Variants in FOXO1 observed in about 807,000 individuals in gnomAD.
FOXO1 encodes the protein forkhead box protein O1.
FOXO1 carries 6 observed loss-of-function variants against 44.1 expected under a neutral mutation model. The ratio of observed to expected loss-of-function variants is 0.14; its 90% confidence interval spans 0.07 to 0.27. The LOEUF is 0.27. Ranked by LOEUF, FOXO1 falls within the 10% of genes least tolerant of loss-of-function variation. FOXO1 has a pLI of 1.00. For missense variants in FOXO1, 737 were observed against 888.8 expected (o/e 0.83, Z 2.17); for synonymous variants, 380 against 362.7 (o/e 1.05, Z -0.54).
intron 1 of FOXO1, among the ~76,000 whole-genome samples, chr13:40,564,740 A>G (rs531478196): frequency 6.6e-6 from 1 of 152,356 alleles, no homozygotes; most frequent in East Asian, 1.9e-4. Flanking sequence ...ATGCCCTGTC[A>G]ATCACTTGCC....
At chr13:40,643,336 C>T (rs1385063576) in intron 1 of FOXO1, among the ~76,000 whole-genome samples, 4 of 142,878 alleles carry the variant, frequency 2.8e-5, no homozygotes, top group African/African-American at 5.2e-5. Flanking sequence ...AGTGAGACTC[C>T]GTCTCAAAAA....
chr13:40,593,521 G>A (rs902496531), intron 1 of FOXO1, among the ~76,000 whole-genome samples: 3 of 152,126 alleles, frequency 2.0e-5, no homozygotes, highest in African/African-American at 4.8e-5. Context: ...TCTTACCACT[G>A]TAGACTGTGC....
chr13:40,621,229 G>T, intron 1 of FOXO1: 1 of 725,918 alleles, frequency 1.4e-6, no homozygotes, highest in Non-Finnish European at 2.3e-6. Context: ...AACAAGCTCA[G>T]GCAATTACCT....
At chr13:40,655,265 G>A (rs750691889) in intron 1 of FOXO1, among the ~76,000 whole-genome samples, 9 of 150,756 alleles carry the variant, frequency 6.0e-5, no homozygotes, top group Non-Finnish European at 1.0e-4. Context: ...CAGGAGAATC[G>A]CTTGAACCTG....
chr13:40,633,808 T>C (rs946529437), intron 1 of FOXO1, among the ~76,000 whole-genome samples: 1 of 152,204 alleles, frequency 6.6e-6, no homozygotes, highest in African/African-American at 2.4e-5. Context: ...TTTATCCATT[T>C]CATACTAAAA....
intron 1 of FOXO1, among the ~76,000 whole-genome samples, chr13:40,605,465 A>G (rs1407033830): frequency 1.3e-5 from 2 of 152,186 alleles, no homozygotes; most frequent in Non-Finnish European, 2.9e-5. Flanking sequence ...CTACTCTCAA[A>G]AAGAAATGAT....
chr13:40,614,946 G>A (rs949188513), intron 1 of FOXO1, among the ~76,000 whole-genome samples: 14 of 152,216 alleles, frequency 9.2e-5, no homozygotes, highest in African/African-American at 3.1e-4. Flanking sequence ...AATGTACACA[G>A]TAAGAGGAAG....
In FOXO1 at chr13:40,626,851, G is replaced by A. The variant is rs78495084; in HGVS notation, c.630+38732C>T. Among the ~76,000 whole-genome samples the A allele has an allele frequency of 1.1e-3, 163 of 152,298 alleles. 4 individuals carry two copies. In the East Asian group the frequency reaches 0.019, roughly 18 times the overall value. On this transcript the variant is annotated intron_variant, in intron 1 of 2. Transcript: ENST00000379561. Reference sequence around the variant, plus strand: ...AAGCTATGAACAAGTACCCAAGGGTGACTTTATTGGCAACTGCCCTACATG... The same window carrying A: ...AAGCTATGAACAAGTACCCAAGGGTAACTTTATTGGCAACTGCCCTACATG...
At chr13:40,572,133 A>T (rs1874545511) in intron 1 of FOXO1, among the ~76,000 whole-genome samples, 1 of 152,212 alleles carries the variant, frequency 6.6e-6, no homozygotes, top group Admixed American at 6.5e-5. Context: ...AACTTTATGG[A>T]TATAAATTCA....
chr13:40,618,787 C>A, intron 1 of FOXO1: 1 of 516,870 alleles, frequency 1.9e-6, no homozygotes. Context: ...GAAACCTTAT[C>A]TCAAGACCGT....
At chr13:40,569,056 A>G (rs1362358761) in intron 1 of FOXO1, among the ~76,000 whole-genome samples, 1 of 152,252 alleles carries the variant, frequency 6.6e-6, no homozygotes, top group Non-Finnish European at 1.5e-5. Flanking sequence ...TCAAACCGCT[A>G]TAGACACAAA....
At chr13:40,635,342 T>A (rs1877110915) in intron 1 of FOXO1, among the ~76,000 whole-genome samples, 1 of 152,116 alleles carries the variant, frequency 6.6e-6, no homozygotes. Context: ...CATCACAGAA[T>A]CATTACAAGC....
intron 1 of FOXO1, among the ~76,000 whole-genome samples, chr13:40,664,967 C>T (rs1185152271): frequency 6.6e-6 from 1 of 151,904 alleles, no homozygotes; most frequent in Admixed American, 6.6e-5. Context: ...GACGCCGGGC[C>T]CCCGGCACTC....
intron 1 of FOXO1, among the ~76,000 whole-genome samples, chr13:40,577,908 A>C (rs77086503): frequency 1.2e-4 from 18 of 152,270 alleles, no homozygotes; most frequent in African/African-American, 4.3e-4. Flanking sequence ...TATCAATGCA[A>C]AATAATTTAT....
chr13:40,614,117 A>G (rs1464149508), intron 1 of FOXO1, among the ~76,000 whole-genome samples: 1 of 152,162 alleles, frequency 6.6e-6, no homozygotes, highest in African/African-American at 2.4e-5. Context: ...CTCAATACAG[A>G]GACAAATGTT....
chr13:40,594,602 A>T (rs1468893775), intron 1 of FOXO1, among the ~76,000 whole-genome samples: 1 of 152,196 alleles, frequency 6.6e-6, no homozygotes, highest in Non-Finnish European at 1.5e-5. Flanking sequence ...TCCAATAAAG[A>T]GCACAAGATG....
rs146725986 is a variant in FOXO1 at position 40,599,544 on chromosome 13, T to C, written c.631-38684A>G. The stretch of plus-strand genomic sequence containing the variant: ...AGGTACTGTCACTTACTAGCACTTA[T>C]GTTCGTTTTGTTTATTGAAATTTAT... On this transcript the variant is annotated intron_variant, in intron 1 of 2. Transcript: ENST00000379561. Among the ~76,000 whole-genome samples the C allele has an allele frequency of 9.1e-3, 1,380 of 152,350 alleles. 12 individuals are homozygous for C. Among genetic ancestry groups the C allele is most frequent in the Non-Finnish European group, 0.013 (884 of 68,024 alleles).
chr13:40,559,074 C>T, intron 2 of FOXO1, 40 bp from the exon 3 acceptor site: 1 of 403,130 alleles, frequency 2.5e-6, no homozygotes, highest in Non-Finnish European at 4.4e-6. Context: ...CACATACACA[C>T]ACAATGAAAA....
intron 1 of FOXO1, among the ~76,000 whole-genome samples, chr13:40,655,897 A>C (rs998494788): frequency 6.6e-6 from 1 of 152,108 alleles, no homozygotes. Flanking sequence ...TCAACCTCCC[A>C]AAGTGCTGGG....
Sources: allele counts gnomAD v4.1 joint callset (sites outside exome capture counted in the v4.1 genomes callset), GRCh38; gene constraint gnomAD v4.1.1; transcripts MANE v1.5; gene names NCBI Gene and HGNC (gene_info 2026-07-23, HGNC 2026-07-21).